Variants in SOX5 observed in about 807,000 individuals in gnomAD.
SOX5 encodes the protein transcription factor SOX-5.
In SOX5, 9 loss-of-function variants were observed where a neutral mutation model predicts 92.0. The ratio of observed to expected loss-of-function variants is 0.10; its 90% CI spans 0.06 to 0.17. The LOEUF is 0.17. Among genes scored for constraint, SOX5 ranks in the 10% least tolerant of loss-of-function variants. The probability of loss-of-function intolerance (pLI) is 1.00; values close to 1 mark genes in which losing one functional copy is unlikely to be tolerated. For missense variants in SOX5, 642 were observed against 944.5 expected, an observed-to-expected ratio of 0.68 and a Z score of 4.20; for synonymous variants, 344 against 336.3, an observed-to-expected ratio of 1.02 and a Z score of -0.25.
chr12:23,994,765 A>G (rs1950880715), intron 4 of SOX5, among the ~76,000 whole-genome samples: 1 of 152,192 alleles, frequency 6.6e-6, no homozygotes. Context: ...TATGGTCACT[A>G]GATGAGGTTT....
intron 1 of SOX5, among the ~76,000 whole-genome samples, chr12:24,476,021 G>C (rs1335490993): frequency 1.3e-5 from 2 of 149,728 alleles, no homozygotes; most frequent in East Asian, 3.9e-4. Flanking sequence ...AAAAGCAGAA[G>C]AGAAAATTTT....
At chr12:24,216,973 G>A (rs1959198259) in intron 3 of SOX5, among the ~76,000 whole-genome samples, 1 of 152,138 alleles carries the variant, frequency 6.6e-6, no homozygotes, top group African/African-American at 2.4e-5. Flanking sequence ...TTGCTTCCAG[G>A]ATAGTGAACA....
intron 4 of SOX5, among the ~76,000 whole-genome samples, chr12:24,044,124 C>T (rs1330625279): frequency 6.6e-6 from 1 of 152,158 alleles, no homozygotes; most frequent in Non-Finnish European, 1.5e-5. Flanking sequence ...AATAATACTA[C>T]ACAACATAAA....
chr12:23,978,659 G>A (rs1212048284), intron 4 of SOX5, among the ~76,000 whole-genome samples: 1 of 152,040 alleles, frequency 6.6e-6, no homozygotes, highest in Admixed American at 6.5e-5. Flanking sequence ...CAAGCCAATG[G>A]CAACTCAGAT....
intron 4 of SOX5, among the ~76,000 whole-genome samples, chr12:24,080,989 CCTG>C (rs766972966): frequency 3.3e-5 from 5 of 151,890 alleles, no homozygotes; most frequent in Non-Finnish European, 5.9e-5. Flanking sequence ...ATTATTTTAG[CCTG>C]CTCTCTGTAA....
intron 3 of SOX5, among the ~76,000 whole-genome samples, chr12:23,818,219 T>A (rs546562779): frequency 6.6e-6 from 1 of 152,182 alleles, no homozygotes; most frequent in Non-Finnish European, 1.5e-5. Flanking sequence ...TCCTAGAGGA[T>A]CCTTTCACAG....
intron 7 of SOX5, among the ~76,000 whole-genome samples, chr12:23,662,034 C>T (rs1302169420): frequency 2.6e-5 from 4 of 152,008 alleles, no homozygotes; most frequent in Non-Finnish European, 5.9e-5. Context: ...TAATTTTTTT[C>T]TTTCCCTGAA....
At position 23,846,030 on chromosome 12, in the gene SOX5, G is replaced by T. The variant is rs1455879338; in HGVS notation, c.434C>A (p.Thr145Asn). Residue 145 changes from threonine to asparagine, a missense_variant, in exon 3 of 15, where the codon ACC (threonine) becomes AAC (asparagine). By Grantham distance (65) the Thr-to-Asn change is moderately conservative. This residue lies in a region of SOX5 where 1 missense variants were observed against 19.9 expected (regional missense o/e 0.05). Coordinates refer to ENST00000451604, the MANE Select transcript of SOX5 (RefSeq NM_006940.6). ...CTCTTCCATTTTCCTCTGCTTCAAGGTGTCAACAACATCAGCTAAACTGCC... is the reference window on the plus strand; with the variant it reads ...CTCTTCCATTTTCCTCTGCTTCAAGTTGTCAACAACATCAGCTAAACTGCC... ...RKGSLADVVD[T>N]LKQRKMEELI... The T allele has an allele frequency of 6.2e-7, 1 of 1,614,078 alleles. No homozygotes were observed. Among genetic ancestry groups the T allele is most frequent in the Non-Finnish European group, 8.5e-7 (1 of 1,180,000 alleles).
chr12:24,160,889 A>G (rs1383956098), intron 4 of SOX5, among the ~76,000 whole-genome samples: 1 of 152,066 alleles, frequency 6.6e-6, no homozygotes, highest in Non-Finnish European at 1.5e-5. Context: ...GACACAAACA[A>G]TAGCATGTGC....
intron 1 of SOX5, among the ~76,000 whole-genome samples, chr12:24,542,432 A>G (rs1952221339): frequency 6.6e-6 from 1 of 152,218 alleles, no homozygotes; most frequent in African/African-American, 2.4e-5. Flanking sequence ...TACACTCGAT[A>G]GCACTTATCA....
At chr12:24,510,446 C>T (rs1949200395) in intron 1 of SOX5, among the ~76,000 whole-genome samples, 1 of 152,080 alleles carries the variant, frequency 6.6e-6, no homozygotes, top group African/African-American at 2.4e-5. Flanking sequence ...AAGAGTTATG[C>T]CCCCAAATGC....
At chr12:24,012,129 G>A (rs1282095030) in intron 4 of SOX5, among the ~76,000 whole-genome samples, 1 of 151,638 alleles carries the variant, frequency 6.6e-6, no homozygotes, top group Non-Finnish European at 1.5e-5. Flanking sequence ...GACTTCAGCA[G>A]AAAAAAAACA....
chr12:23,556,386 C>A (rs1945181607), intron 11 of SOX5, among the ~76,000 whole-genome samples: 1 of 152,058 alleles, frequency 6.6e-6, no homozygotes. Context: ...TAAATAATTA[C>A]ATGTAAATGT....
At chr12:23,760,324 G>T (rs1465653343) in intron 3 of SOX5, among the ~76,000 whole-genome samples, 4 of 151,916 alleles carry the variant, frequency 2.6e-5, no homozygotes, top group African/African-American at 2.4e-5. Flanking sequence ...ACAAAACCAG[G>T]TTCTCTTAAT....
chr12:24,497,865 A>G (rs1382243624), intron 1 of SOX5, among the ~76,000 whole-genome samples: 2 of 152,248 alleles, frequency 1.3e-5, no homozygotes, highest in Non-Finnish European at 2.9e-5. Context: ...CATACTATGC[A>G]GCCATAAAAA....
intron 1 of SOX5, among the ~76,000 whole-genome samples, chr12:24,403,367 T>C (rs1444395505): frequency 2.0e-5 from 3 of 152,218 alleles, no homozygotes; most frequent in South Asian, 2.1e-4. Context: ...GACGGAAACC[T>C]TGTCTTAACT....
chr12:23,698,229 T>C (rs2090151283), intron 6 of SOX5, among the ~76,000 whole-genome samples: 1 of 152,088 alleles, frequency 6.6e-6, no homozygotes, highest in South Asian at 2.1e-4. Context: ...AATCTGACCA[T>C]GTTTCTTCTG....
intron 6 of SOX5, among the ~76,000 whole-genome samples, chr12:23,685,850 T>C (rs1380679298): frequency 6.6e-6 from 1 of 152,144 alleles, no homozygotes; most frequent in Non-Finnish European, 1.5e-5. Flanking sequence ...ACATCTGATA[T>C]AGTTGATAAA....
At chr12:23,656,600 A>G (rs887061370) in intron 7 of SOX5, among the ~76,000 whole-genome samples, 1 of 152,074 alleles carries the variant, frequency 6.6e-6, no homozygotes, top group Non-Finnish European at 1.5e-5. Flanking sequence ...GATATCCATA[A>G]TGTATTTTTC....
Sources: allele counts gnomAD v4.1 joint callset (sites outside exome capture counted in the v4.1 genomes callset), GRCh38; gene constraint gnomAD v4.1.1; regional missense constraint gnomAD v4.1.1; transcripts MANE v1.5; gene names NCBI Gene and HGNC (gene_info 2026-07-23, HGNC 2026-07-21).